DYNC1I2: variants seen among roughly 807,000 people sequenced by gnomAD.
The protein encoded by DYNC1I2 is dynein cytoplasmic 1 intermediate chain 2.
In DYNC1I2, 53 loss-of-function variants were observed where a neutral mutation model predicts 88.6. That is an observed-to-expected ratio of 0.60 (90% confidence interval 0.48 to 0.75). The LOEUF (loss-of-function observed/expected upper bound fraction) is 0.75. DYNC1I2 is among the 30% of genes least tolerant of loss of function. The probability of loss-of-function intolerance (pLI) is 0.00; values close to 1 mark genes in which losing one functional copy is unlikely to be tolerated. For missense variants in DYNC1I2, 458 were observed against 766.6 expected (o/e 0.60, Z 4.75); for synonymous variants, 198 against 254.6 (o/e 0.78, Z 2.12).
At chr2:171,715,539 T>A (rs1687430269) in intron 7 of DYNC1I2, 96 bp downstream of exon 7, 2 of 867,106 alleles carry the variant, frequency 2.3e-6, no homozygotes, top group African/African-American at 3.4e-5. Flanking sequence ...GTTTCTTTTT[T>A]GCTTTTGTGT....
intron 5 of DYNC1I2, chr2:171,712,511 C>G: frequency 2.7e-6 from 1 of 369,136 alleles, no homozygotes; most frequent in South Asian, 8.5e-5. Flanking sequence ...CCATAATCTG[C>G]AAATAATGTC....
rs939594241 is a variant in DYNC1I2, at chr2:171,693,642, A to C, written c.226+748A>C. Among the ~76,000 whole-genome samples the C allele has an allele frequency of 3.3e-5, 5 of 152,208 alleles. No individual in the cohort carries two copies. In the East Asian group the frequency reaches 9.6e-4, roughly 29 times the overall value. On this transcript the variant is annotated intron_variant, in intron 3 of 17. Coordinates refer to ENST00000397119, the MANE Select transcript of DYNC1I2 (RefSeq NM_001378.3). ...ATCTAGTCCAGGGGACAAATACTGG[A>C]GATTGTAAATGCTCTATGCTTGTTG... is the stretch of plus-strand genomic sequence containing the variant.
chr2:171,727,772 A>G, intron 11 of DYNC1I2, 49 bp from the exon 12 acceptor site: 3 of 1,564,378 alleles, frequency 1.9e-6, no homozygotes, highest in Non-Finnish European at 2.6e-6. Flanking sequence ...AGAACTTGTC[A>G]GGCATTTTCC....
At position 171,690,212 on chromosome 2, in the gene DYNC1I2, C is replaced by A; in HGVS notation, c.57C>A (p.Ala19=). The change falls in exon 2 of 18, where the codon GCC becomes GCA. Residue 19 remains alanine, a synonymous_variant. Coordinates refer to ENST00000397119, the MANE Select transcript of DYNC1I2 (RefSeq NM_001378.3). ...TGGAACGTAAGAAGCAGCGACTGGC[C>A]CAAATCAGAGAGGAAAAGAAGAGAA... ...AELERKKQRL[A]QIREEKKRKE... The A allele has an allele frequency of 5.8e-6, 9 of 1,547,422 alleles. No individual in the cohort carries two copies. Among genetic ancestry groups the A allele is most frequent in the Non-Finnish European group, 7.9e-6 (9 of 1,145,770 alleles).
intron 15 of DYNC1I2, among the ~76,000 whole-genome samples, chr2:171,737,471 G>A (rs1260466136): frequency 2.0e-5 from 3 of 152,172 alleles, no homozygotes; most frequent in Non-Finnish European, 2.9e-5. Context: ...AGGCTGGAGC[G>A]CAGTGGGGTG....
At chr2:171,705,427 ATGTAC>A (rs1173566498) in intron 3 of DYNC1I2, among the ~76,000 whole-genome samples, 2 of 152,120 alleles carry the variant, frequency 1.3e-5, no homozygotes, top group Admixed American at 1.3e-4. Context: ...AACCTCTGAT[ATGTAC>A]ACTTGGAAAA....
At chr2:171,705,633 C>A (rs1686622834) in intron 3 of DYNC1I2, among the ~76,000 whole-genome samples, 1 of 151,924 alleles carries the variant, frequency 6.6e-6, no homozygotes, top group South Asian at 2.1e-4. Flanking sequence ...CTAGGGGAAG[C>A]CTCACAGTGA....
chr2:171,731,512 G>C (rs1236836014), intron 15 of DYNC1I2, among the ~76,000 whole-genome samples: 1 of 152,192 alleles, frequency 6.6e-6, no homozygotes, highest in African/African-American at 2.4e-5. Flanking sequence ...CAGTGCTTTA[G>C]GAGGCCGAGG....
At position 171,710,118 on chromosome 2, in the gene DYNC1I2, TATATAC is replaced by T. The variant is rs1298059687; in HGVS notation, c.336-2647_336-2642del. On this transcript the variant is annotated intron_variant, in intron 5 of 17. Transcript: ENST00000397119. ...GGCTGAGTATATTCATTTTTATGTATATATACACACACACACACACACACACACACA... is the reference window on the plus strand; with the variant it reads ...GGCTGAGTATATTCATTTTTATGTATACACACACACACACACACACACACA... 7.1e-4 allele frequency among the ~76,000 whole-genome samples: 52 copies of T among 72,758 alleles called. No individual in the cohort carries two copies. In the South Asian group the frequency reaches 0.015, roughly 21 times the overall value. 47.7% of individuals were successfully genotyped at this position (72,758 alleles called of 152,430 possible).
intron 2 of DYNC1I2, among the ~76,000 whole-genome samples, chr2:171,691,594 A>ACATT (rs1353260007): frequency 6.6e-6 from 1 of 152,200 alleles, no homozygotes; most frequent in East Asian, 1.9e-4. Context: ...TTTCTGTGAG[A>ACATT]CATTATAAGA....
chr2:171,748,848 G>A lies in DYNC1I2; in HGVS notation c.*959G>A, dbSNP rs1689955761. On this transcript the variant is annotated 3_prime_UTR_variant, in exon 18 of 18. Transcript: ENST00000397119. ...ACTTTGGCATTAAAATCTACATCTT[G>A]AGATCTGTTGCCACAGCATTGTCTA... Among the ~76,000 whole-genome samples the A allele has an allele frequency of 3.3e-5, 5 of 152,276 alleles. No homozygotes were observed. The South Asian group carries it at 1.0e-3, about 32-fold the overall frequency.
chr2:171,688,687 A>G (rs1244254208), intron 1 of DYNC1I2: 1 of 152,194 alleles, frequency 6.6e-6, no homozygotes, highest in East Asian at 1.9e-4. Context: ...CGTATGCTTG[A>G]AAATTATCAA....
rs568691462 is a variant in DYNC1I2 at position 171,694,165 on chromosome 2, G to A, written c.226+1271G>A. Among the ~76,000 whole-genome samples the A allele has an allele frequency of 2.4e-4, 37 of 151,968 alleles. 2 individuals are homozygous for A. Among genetic ancestry groups the A allele is most frequent in the African/African-American group, 8.4e-4 (35 of 41,492 alleles). The stretch of plus-strand genomic sequence containing the variant: ...CGATTCTTCTGCCTCAGCTTCCTGA[G>A]TAGCTGGGACTACAGGCTTGTGCCA... On this transcript the variant is annotated intron_variant, in intron 3 of 17. Coordinates refer to ENST00000397119, the MANE Select transcript of DYNC1I2 (RefSeq NM_001378.3).
At chr2:171,691,744 T>C (rs1219933563) in intron 2 of DYNC1I2, among the ~76,000 whole-genome samples, 3 of 152,228 alleles carry the variant, frequency 2.0e-5, no homozygotes, top group Non-Finnish European at 2.9e-5. Context: ...TGTTTTCTAA[T>C]GATGGCCATA....
At chr2:171,702,747 C>G (rs1386987324) in intron 3 of DYNC1I2, among the ~76,000 whole-genome samples, 1 of 148,182 alleles carries the variant, frequency 6.7e-6, no homozygotes, top group Non-Finnish European at 1.5e-5. Context: ...TTTTTTTAAA[C>G]AGTCTCACTC....
chr2:171,727,998 T>G (rs1263167632), intron 12 of DYNC1I2, 31 bp downstream of exon 12: 1 of 1,606,000 alleles, frequency 6.2e-7, no homozygotes, highest in East Asian at 2.2e-5. Flanking sequence ...CCATTAGGCT[T>G]CTGTGCTCCT....
At chr2:171,746,856 C>A (rs1210585579) in intron 17 of DYNC1I2, among the ~76,000 whole-genome samples, 3 of 152,126 alleles carry the variant, frequency 2.0e-5, no homozygotes, top group Non-Finnish European at 4.4e-5. Flanking sequence ...CCTAACATGA[C>A]AGTGTCAGAC....
In DYNC1I2 at chr2:171,715,313, ATTTAC is replaced by A. The variant is rs1302631291; in HGVS notation, c.396-12_396-8del. 4.0e-6 allele frequency: 6 copies of A among 1,493,816 alleles called. No homozygotes were observed. Among genetic ancestry groups the A allele is most frequent in the Non-Finnish European group, 5.5e-6 (6 of 1,095,184 alleles). 92.5% of individuals were successfully genotyped at this position (1,493,816 alleles called of 1,614,324 possible). ...ATGTAGTTAAAATTGTGTTGTTTGT[ATTTAC>A]TTAATTTAGACGAGGACCTATTAAA... On this transcript the variant is annotated splice_polypyrimidine_tract_variant and intron_variant, in intron 6 of 17. Transcript: ENST00000397119.
chr2:171,740,734 CT>C (rs748256233), intron 15 of DYNC1I2, among the ~76,000 whole-genome samples: 42 of 148,194 alleles, frequency 2.8e-4, no homozygotes, highest in African/African-American at 6.2e-4. Context: ...TTCTTTATCA[CT>C]TTTTTTTTTA....
Sources: gnomAD v4.1 joint callset for allele counts (sites outside exome capture counted in the v4.1 genomes callset) on GRCh38, gnomAD v4.1.1 for gene constraint, MANE v1.5 for transcripts, NCBI Gene and HGNC (gene_info 2026-07-23, HGNC 2026-07-21) for gene names.